SLC5A10: variants seen among roughly 807,000 people sequenced by gnomAD.
SLC5A10 encodes the protein sodium/mannose cotransporter SLC5A10.
In SLC5A10, 55 loss-of-function variants were observed where a neutral mutation model predicts 68.9. That is an observed-to-expected ratio of 0.80 (90% CI 0.64 to 1.00). SLC5A10 has a LOEUF of 1.00. Among genes scored for constraint, SLC5A10 ranks in the 50% least tolerant of loss-of-function variants. The probability of loss-of-function intolerance (pLI) is 0.00; values close to 1 mark genes in which losing one functional copy is unlikely to be tolerated. For synonymous variants in SLC5A10, 344 were observed against 344.8 expected (o/e 1.00, Z 0.02); for missense variants, 732 against 819.3 (o/e 0.89, Z 1.30).
intron 9 of SLC5A10, among the ~76,000 whole-genome samples, chr17:19,007,088 A>T (rs1013028846): frequency 6.6e-6 from 1 of 152,186 alleles, no homozygotes; most frequent in Non-Finnish European, 1.5e-5. Context: ...ATGTTCAAAC[A>T]CTGCCAAACT....
rs903426421 is a variant in SLC5A10 at position 19,000,552 on chromosome 17, G to A, written c.983-12858G>A. On this transcript the variant is annotated intron_variant, in intron 9 of 14. Transcript: ENST00000395645. The surrounding 1 kb of genome is among the most constrained non-coding windows in gnomAD (Gnocchi z 5.2). ...ACACAGCCGCTCCCCTAAGTGCTGC[G>A]TCACTTCCCTGCCCCAGGGTCTGCC... 9.2e-5 allele frequency among the ~76,000 whole-genome samples: 14 copies of A among 152,288 alleles called. No individual in the cohort carries two copies. The highest frequency in any genetic ancestry group is 2.9e-4 in the African/African-American group (12 of 41,544).
chr17:18,972,637 C>T (rs1259100026), intron 8 of SLC5A10, among the ~76,000 whole-genome samples: 1 of 152,098 alleles, frequency 6.6e-6, no homozygotes, highest in Non-Finnish European at 1.5e-5. Flanking sequence ...CTGACATGGG[C>T]GGATCACGAG....
In SLC5A10 at chr17:19,013,404, G is replaced by C. The variant is rs201146703; in HGVS notation, c.983-6G>C. 23 of 1,606,378 alleles carry C rather than the reference G, an allele frequency of 1.4e-5. No homozygotes were observed. Among genetic ancestry groups the C allele is most frequent in the Non-Finnish European group, 8.5e-7 (1 of 1,176,190 alleles). On this transcript the variant is annotated splice_region_variant and splice_polypyrimidine_tract_variant and intron_variant, in intron 9 of 14. Coordinates refer to ENST00000395645, the MANE Select transcript of SLC5A10 (RefSeq NM_001042450.4). ...GAGAGACACCAAGTGTCCGTCTCTC[G>C]AACAGATGATGTGGGCTGCGTGGTG...
Position 19,015,197 on chromosome 17 carries a change from A to ACGGTAAGGGGGTGGGGGC in SLC5A10, c.1241+3_1241+4insAGGGGGTGGGGGCCGGTA. The ACGGTAAGGGGGTGGGGGC allele has an allele frequency of 1.1e-6, 1 of 907,518 alleles. No individual in the cohort carries two copies. The highest frequency in any genetic ancestry group is 1.7e-6 in the Non-Finnish European group (1 of 594,040). The allele number at this position is 907,518 out of a possible 1,614,324, so 56.2% of individuals were successfully genotyped here. A position where few individuals can be genotyped will look rare whatever the true frequency, so the allele number is the denominator to read the frequency against. ...GCGAGCGGGAGCTCCTGCTGGTGGG[A>ACGGTAAGGGGGTGGGGGC]CGGTACGGGGGTGGGGGCCAGTACG... On this transcript the variant is annotated stop_gained and inframe_insertion and splice_region_variant, in exon 11 of 15. Coordinates refer to ENST00000395645, the MANE Select transcript of SLC5A10 (RefSeq NM_001042450.4). LOFTEE classifies it high-confidence loss of function.
intron 10 of SLC5A10, 25 bp downstream of exon 10, chr17:19,013,542 G>T: frequency 1.3e-6 from 2 of 1,556,726 alleles, no homozygotes; most frequent in Non-Finnish European, 1.7e-6. Flanking sequence ...GTGGGGGTCT[G>T]GGTGGAGGGC....
intron 12 of SLC5A10, 51 bp from the exon 13 acceptor site, chr17:19,019,662 G>T: frequency 1.2e-6 from 2 of 1,602,596 alleles, no homozygotes; most frequent in Non-Finnish European, 1.7e-6. Context: ...TGTGGGGGGA[G>T]CCTTGGTCCT....
In SLC5A10 at chr17:18,979,733, G is replaced by A. The variant is rs998825184; in HGVS notation, c.982+2744G>A. The stretch of plus-strand genomic sequence containing the variant: ...TGCAACCCTGACCACACAGGGCGAG[G>A]GGAGGACGGCAGCTGCCCAGGGCTC... On this transcript the variant is annotated intron_variant, in intron 9 of 14. Transcript: ENST00000395645. 15 of 1,597,384 alleles carry A rather than the reference G, an allele frequency of 9.4e-6. No individual in the cohort carries two copies. The East Asian group carries it at 3.1e-4, about 33-fold the overall frequency.
chr17:18,981,030 CCAG>C (rs2043118911), intron 9 of SLC5A10, among the ~76,000 whole-genome samples: 1 of 152,172 alleles, frequency 6.6e-6, no homozygotes, highest in Admixed American at 6.5e-5. Flanking sequence ...CTCACTGGCC[CCAG>C]CTTATTCACC....
chr17:18,988,534 T>C, intron 9 of SLC5A10: 1 of 1,496,002 alleles, frequency 6.7e-7, no homozygotes, highest in Non-Finnish European at 9.0e-7. Context: ...ACTCTGGCCC[T>C]ACTCCTGGAG....
chr17:19,006,445 C>T (rs544834418), intron 9 of SLC5A10, among the ~76,000 whole-genome samples: 1 of 143,252 alleles, frequency 7.0e-6, no homozygotes, highest in East Asian at 2.0e-4. Flanking sequence ...CACTATGTTG[C>T]TCAGACTGGT....
Position 19,021,945 on chromosome 17 carries a change from G to T in SLC5A10, c.*1514G>T. ...TGTAAAAAGGCCCGTTGGCCAGATCGGCCGCCGGGCTGCTCACAGGTGCAC... is the reference window on the plus strand; with the variant it reads ...TGTAAAAAGGCCCGTTGGCCAGATCTGCCGCCGGGCTGCTCACAGGTGCAC... On this transcript the variant is annotated 3_prime_UTR_variant, in exon 15 of 15. Coordinates refer to ENST00000395645, the MANE Select transcript of SLC5A10 (RefSeq NM_001042450.4). This position sits in a 1 kb window ranked among gnomAD's most constrained non-coding sequence, Gnocchi z 4.1. The T allele has an allele frequency of 6.7e-7, 1 of 1,497,582 alleles. No individual in the cohort carries two copies. 92.8% of individuals were successfully genotyped at this position (1,497,582 alleles called of 1,614,324 possible). A position where few individuals can be genotyped will look rare whatever the true frequency, so the allele number is the denominator to read the frequency against.
intron 1 of SLC5A10, among the ~76,000 whole-genome samples, chr17:18,956,714 A>G (rs2042511047): frequency 6.6e-6 from 1 of 152,006 alleles, no homozygotes; most frequent in Non-Finnish European, 1.5e-5. Flanking sequence ...TGGCTTGAGT[A>G]ACCCTCCTTC....
chr17:19,019,663 C>G, intron 12 of SLC5A10, 50 bp from the exon 13 acceptor site: 3 of 1,602,110 alleles, frequency 1.9e-6, no homozygotes, highest in Middle Eastern at 1.7e-4. Flanking sequence ...GTGGGGGGAG[C>G]CTTGGTCCTC....
At chr17:18,955,448 C>T (rs552634363) in intron 1 of SLC5A10, among the ~76,000 whole-genome samples, 2 of 152,314 alleles carry the variant, frequency 1.3e-5, no homozygotes, top group Admixed American at 1.3e-4. Flanking sequence ...AAGTTGAAGC[C>T]AACTCTGGCA....
rs779496736 is a variant in SLC5A10, at chr17:18,971,403, A to C, written c.846+185A>C. On this transcript the variant is annotated intron_variant, in intron 8 of 14. Transcript: ENST00000395645. The surrounding 1 kb of genome is among the most constrained non-coding windows in gnomAD (Gnocchi z 5.5). ...CGGGGGGCTTGAGCCCTCCGTTTAG[A>C]ATCCGATGAGGCCCACTGGCTACCG... 6.2e-7 allele frequency: 1 copy of C among 1,613,638 alleles called. No homozygotes were observed. The highest frequency in any genetic ancestry group is 8.5e-7 in the Non-Finnish European group (1 of 1,179,978).
chr17:18,965,633 C>T (rs1227336261), intron 5 of SLC5A10, among the ~76,000 whole-genome samples: 2 of 152,196 alleles, frequency 1.3e-5, no homozygotes, highest in Non-Finnish European at 2.9e-5. Flanking sequence ...GCAGAGCCCG[C>T]CAGATCAGTC....
At chr17:18,950,865 A>G, upstream of SLC5A10, 1 of 183,178 alleles carries the variant, frequency 5.5e-6, no homozygotes, top group Non-Finnish European at 1.0e-5. Context: ...ACAGGTGCGT[A>G]CCACCATGTC....
Position 18,971,707 on chromosome 17 carries a change from A to G in SLC5A10, c.846+489A>G. 6.2e-7 allele frequency: 1 copy of G among 1,600,854 alleles called. No homozygotes were observed. The highest frequency in any genetic ancestry group is 8.5e-7 in the Non-Finnish European group (1 of 1,171,464). ...GTCCTGGGAAGCCGTCTTTATCCCT[A>G]GTCCCTGAGGCAGGGACCCTGTGAT... On this transcript the variant is annotated intron_variant, in intron 8 of 14. Coordinates refer to ENST00000395645, the MANE Select transcript of SLC5A10 (RefSeq NM_001042450.4). The surrounding 1 kb of genome is among the most constrained non-coding windows in gnomAD (Gnocchi z 5.5).
intron 9 of SLC5A10, chr17:18,979,569 C>T: frequency 6.2e-7 from 1 of 1,613,452 alleles, no homozygotes; most frequent in Non-Finnish European, 8.5e-7. Context: ...CGCACACAGC[C>T]CGGTCTCCAT....
Sources: gnomAD v4.1 joint callset for allele counts (sites outside exome capture counted in the v4.1 genomes callset) on GRCh38, gnomAD v4.1.1 for gene constraint, Gnocchi (gnomAD v3.1) non-coding constraint, MANE v1.5 for transcripts, NCBI Gene and HGNC (gene_info 2026-07-23, HGNC 2026-07-21) for gene names.